Variants in MYT1L observed in about 807,000 individuals in gnomAD.
MYT1L encodes the protein myelin transcription factor 1 like, also known as myelin transcription factor 1-like protein.
MYT1L carries 12 observed loss-of-function variants against 126.7 expected under a neutral mutation model. The ratio of observed to expected loss-of-function variants is 0.09; its 90% CI spans 0.06 to 0.15. The LOEUF (loss-of-function observed/expected upper bound fraction) is 0.15. Among genes scored for constraint, MYT1L ranks in the 10% least tolerant of loss-of-function variants. The pLI is 1.00. For missense variants in MYT1L, 979 were observed against 1,585.2 expected, an observed-to-expected ratio of 0.62 and a Z score of 6.49; for synonymous variants, 541 against 604.2, an observed-to-expected ratio of 0.90 and a Z score of 1.53.
At chr2:2,202,788 C>G (rs1311449515) in intron 2 of MYT1L, among the ~76,000 whole-genome samples, 1 of 152,140 alleles carries the variant, frequency 6.6e-6, no homozygotes, top group Non-Finnish European at 1.5e-5. Context: ...CAACATCATC[C>G]TGATACCAAA....
intron 18 of MYT1L, 78 bp from the exon 19 acceptor site, chr2:1,851,781 A>T: frequency 7.4e-7 from 1 of 1,352,270 alleles, no homozygotes; most frequent in South Asian, 1.2e-5. Flanking sequence ...TTTAATCCAA[A>T]AAGCAAACTA....
Position 1,889,768 on chromosome 2 carries a change from C to T in MYT1L, c.2284-291G>A, listed in dbSNP as rs1056552384. Reference sequence around the variant, plus strand: ...TATTTATCTACTGTCTATCCTCTCTCTCTCCTTCCTTTTTGTCCTATTGTA... The same window carrying T: ...TATTTATCTACTGTCTATCCTCTCTTTCTCCTTCCTTTTTGTCCTATTGTA... On this transcript the variant is annotated intron_variant, in intron 15 of 24. Coordinates refer to ENST00000647738, the MANE Select transcript of MYT1L (RefSeq NM_001303052.2). The surrounding 1 kb of genome is among the most constrained non-coding windows in gnomAD (Gnocchi z 4.1). Among the ~76,000 whole-genome samples the T allele has an allele frequency of 6.6e-6, 1 of 152,150 alleles. No homozygotes were observed. Among genetic ancestry groups the T allele is most frequent in the African/African-American group, 2.4e-5 (1 of 41,430 alleles).
chr2:1,936,067 C>T (rs576228214), intron 9 of MYT1L, among the ~76,000 whole-genome samples: 29 of 152,184 alleles, frequency 1.9e-4, no homozygotes, highest in Non-Finnish European at 4.1e-4. Flanking sequence ...GGATTGCAGG[C>T]ATGTGCCACC....
intron 2 of MYT1L, among the ~76,000 whole-genome samples, chr2:2,258,551 AAAAC>A (rs2094881413): frequency 2.3e-4 from 1 of 4,278 alleles, no homozygotes; most frequent in Non-Finnish European, 3.8e-4. Context: ...CTACAAGAAA[AAAAC>A]AAACAACCCC....
intron 21 of MYT1L, among the ~76,000 whole-genome samples, chr2:1,813,588 C>T (rs866812387): frequency 2.0e-4 from 31 of 152,232 alleles, no homozygotes; most frequent in African/African-American, 5.3e-4. Flanking sequence ...ACGTCAGCGG[C>T]GGGATTCGAT....
At chr2:2,311,354 C>T (rs7581288) in intron 1 of MYT1L, among the ~76,000 whole-genome samples, 45,437 of 152,028 alleles carry the variant, frequency 0.3, 7,128 homozygotes, top group South Asian at 0.45. Context: ...TGCAGCTGAG[C>T]GGCCTGGATC....
At chr2:1,968,801 C>T (rs908041055) in intron 8 of MYT1L, among the ~76,000 whole-genome samples, 1 of 152,192 alleles carries the variant, frequency 6.6e-6, no homozygotes, top group Non-Finnish European at 1.5e-5. Flanking sequence ...CACAGCCAGG[C>T]GGCCACAGTG....
chr2:2,012,469 T>C (rs894906192), intron 4 of MYT1L, among the ~76,000 whole-genome samples: 2 of 152,098 alleles, frequency 1.3e-5, no homozygotes, highest in Non-Finnish European at 2.9e-5. Context: ...AGTCGGGGAA[T>C]GTGGGAGTGA....
intron 21 of MYT1L, among the ~76,000 whole-genome samples, chr2:1,835,777 G>A (rs1207736465): frequency 6.6e-6 from 1 of 152,162 alleles, no homozygotes; most frequent in Non-Finnish European, 1.5e-5. Context: ...AGTTCAGAGA[G>A]TTCTGATGGT....
In MYT1L at chr2:1,979,831, C is replaced by A; in HGVS notation, c.1-54G>T. ...GCTTATCCTGCCTGTGCAGGCCAGC[C>A]CTGCAGGGGCGGCTCACTCTCCCTG... On this transcript the variant is annotated intron_variant, in intron 5 of 24. Transcript: ENST00000647738. The surrounding 1 kb of genome is among the most constrained non-coding windows in gnomAD (Gnocchi z 4.0). The A allele has an allele frequency of 1.9e-6, 3 of 1,591,310 alleles. No individual in the cohort carries two copies. The highest frequency in any genetic ancestry group is 2.6e-6 in the Non-Finnish European group (3 of 1,160,990).
intron 1 of MYT1L, chr2:2,306,132 CTT>C (rs1460298642): frequency 6.6e-6 from 1 of 152,196 alleles, no homozygotes; most frequent in African/African-American, 2.4e-5. Flanking sequence ...TGCCCAGACT[CTT>C]TTCCTCATCC....
chr2:2,271,914 C>G (rs1490298043), intron 2 of MYT1L, among the ~76,000 whole-genome samples: 1 of 152,168 alleles, frequency 6.6e-6, no homozygotes, highest in African/African-American at 2.4e-5. Context: ...GGTAGATCTT[C>G]AAAGGGAGAT....
chr2:2,024,232 T>C (rs1187581838), intron 4 of MYT1L, among the ~76,000 whole-genome samples: 1 of 152,240 alleles, frequency 6.6e-6, no homozygotes, highest in Non-Finnish European at 1.5e-5. Flanking sequence ...ACATTATTAT[T>C]AGCTAGCGTC....
At chr2:2,041,707 T>C (rs894759660) in intron 4 of MYT1L, among the ~76,000 whole-genome samples, 1 of 152,134 alleles carries the variant, frequency 6.6e-6, no homozygotes, top group African/African-American at 2.4e-5. Flanking sequence ...CATTATGGAT[T>C]TTCCGGAAAG....
At chr2:2,166,450 G>A (rs576703591) in intron 3 of MYT1L, among the ~76,000 whole-genome samples, 128 of 152,316 alleles carry the variant, frequency 8.4e-4, no homozygotes, top group Non-Finnish European at 1.7e-3. Flanking sequence ...GTATTATAAT[G>A]AGGGGAGAAG....
chr2:1,812,875 CAAAA>C (rs33917296), intron 21 of MYT1L, among the ~76,000 whole-genome samples: 1 of 59,752 alleles, frequency 1.7e-5, no homozygotes, highest in Non-Finnish European at 3.4e-5. Flanking sequence ...GACTCCGTCT[CAAAA>C]AAAAAAAAAA....
intron 2 of MYT1L, among the ~76,000 whole-genome samples, chr2:2,183,958 A>G (rs770079394): frequency 6.9e-6 from 1 of 144,640 alleles, no homozygotes; most frequent in Non-Finnish European, 1.5e-5. Context: ...GAAGAAAGGG[A>G]GGGAGGGAAG....
intron 3 of MYT1L, among the ~76,000 whole-genome samples, chr2:2,113,168 CAGAT>C (rs1475462438): frequency 6.6e-6 from 1 of 152,196 alleles, no homozygotes; most frequent in Non-Finnish European, 1.5e-5. Flanking sequence ...AAAAGTGAAA[CAGAT>C]GGATGAAAAC....
chr2:2,266,345 C>G (rs1173333761), intron 2 of MYT1L, among the ~76,000 whole-genome samples: 2 of 152,168 alleles, frequency 1.3e-5, no homozygotes, highest in Admixed American at 1.3e-4. Context: ...GAATTTGCAT[C>G]AGGAGCAGTG....
Sources: allele counts gnomAD v4.1 joint callset (sites outside exome capture counted in the v4.1 genomes callset), GRCh38; gene constraint gnomAD v4.1.1; non-coding constraint Gnocchi (gnomAD v3.1); transcripts MANE v1.5; gene names NCBI Gene and HGNC (gene_info 2026-07-23, HGNC 2026-07-21).